The following ADPRHL1 variants were observed in gnomAD, a reference collection of about 807,000 sequenced individuals.
ADPRHL1 encodes the protein ADP-ribosylhydrolase like 1.
A neutral mutation model predicts 44.1 loss-of-function variants in ADPRHL1; 43 were observed. The observed-to-expected ratio is 0.98, with a 90% confidence interval of 0.76 to 1.26. The LOEUF is 1.26. Ranked by LOEUF, ADPRHL1 falls within the 50% of genes most tolerant of loss-of-function variation. The probability of loss-of-function intolerance (pLI) is 0.00; values close to 1 mark genes in which losing one functional copy is unlikely to be tolerated. For synonymous variants in ADPRHL1, 878 were observed against 1,017.4 expected, an observed-to-expected ratio of 0.86 and a Z score of 2.61; for missense variants, 2,022 against 2,496.9, an observed-to-expected ratio of 0.81 and a Z score of 4.05.
chr13:113,430,055 C>A (rs1311783669), intron 3 of ADPRHL1, among the ~76,000 whole-genome samples: 1 of 152,198 alleles, frequency 6.6e-6, no homozygotes, highest in Non-Finnish European at 1.5e-5. Context: ...ACTGAGCTCA[C>A]CCCGCAGTCC....
At position 113,403,850 on chromosome 13, in the gene ADPRHL1, C is replaced by T. The variant is rs1446245170; in HGVS notation, c.5432G>A (p.Ser1811Asn). 1 of 1,086,812 alleles carries T rather than the reference C, an allele frequency of 9.2e-7. No homozygotes were observed. The highest frequency in any genetic ancestry group is 1.1e-6 in the Non-Finnish European group (1 of 894,250). 67.3% of individuals were successfully genotyped at this position (1,086,812 alleles called of 1,614,324 possible). A position where few individuals can be genotyped will look rare whatever the true frequency, so the allele number is the denominator to read the frequency against. ...CTCCCAGGCCCGAGGCGCCATCCCACTTGTCAAGGCCTGTTCCCGACCCTG... is the reference window on the plus strand; with the variant it reads ...CTCCCAGGCCCGAGGCGCCATCCCATTTGTCAAGGCCTGTTCCCGACCCTG... The part of the protein sequence containing the change: ...WEQGREQALT[S>N]GMAPRAWEQP... Residue 1811 changes from serine (S) to asparagine (N), a missense_variant, in exon 8 of 8, where the codon AGT becomes AAT. Around this residue, in one of 8 missense-constraint regions of ADPRHL1, gnomAD observed 205 missense variants for 250.1 expected, o/e 0.82. Coordinates refer to ENST00000612156, the MANE Select transcript of ADPRHL1 (RefSeq NM_001394807.1).
intron 6 of ADPRHL1, among the ~76,000 whole-genome samples, chr13:113,423,313 C>T (rs1472799484): frequency 1.3e-5 from 2 of 151,998 alleles, no homozygotes; most frequent in Non-Finnish European, 2.9e-5. Flanking sequence ...CTTCCCTTCT[C>T]CCTCCCTGGG....
chr13:113,433,564 G>T (rs1007772183), intron 3 of ADPRHL1, among the ~76,000 whole-genome samples, 178 bp downstream of exon 3: 1 of 152,202 alleles, frequency 6.6e-6, no homozygotes, highest in Non-Finnish European at 1.5e-5. Context: ...CGGGCAGGGC[G>T]CCCTCACAGC....
rs533676551 is a variant in ADPRHL1 at position 113,409,464 on chromosome 13, C to T, written c.1062-1244G>A. The stretch of plus-strand genomic sequence containing the variant: ...GTTTATAATGTTGAAAAATCTAGAG[C>T]ATCCTCGATGTCCAACTCCAGGGCG... On this transcript the variant is annotated intron_variant, in intron 7 of 7. Transcript: ENST00000612156. The surrounding 1 kb of genome is among the most constrained non-coding windows in gnomAD (Gnocchi z 4.2). 4.1e-6 allele frequency: 4 copies of T among 985,414 alleles called. No homozygotes were observed. Among genetic ancestry groups the T allele is most frequent in the East Asian group, 2.3e-4 (2 of 8,814 alleles). 61.0% of individuals were successfully genotyped at this position (985,414 alleles called of 1,614,324 possible). A position where few individuals can be genotyped will look rare whatever the true frequency, so the allele number is the denominator to read the frequency against.
At chr13:113,416,183 G>C (rs1274093267) in intron 7 of ADPRHL1, among the ~76,000 whole-genome samples, 2 of 151,870 alleles carry the variant, frequency 1.3e-5, no homozygotes, top group African/African-American at 4.8e-5. Context: ...GTGGGGAATA[G>C]CTCAGACTGT....
At position 113,406,938 on chromosome 13, in the gene ADPRHL1, T is replaced by A; in HGVS notation, c.2344A>T (p.Met782Leu). The A allele has an allele frequency of 8.1e-7, 1 of 1,232,134 alleles. No individual in the cohort carries two copies. Among genetic ancestry groups the A allele is most frequent in the Non-Finnish European group, 1.0e-6 (1 of 988,064 alleles). The allele number at this position is 1,232,134 out of a possible 1,614,324, so 76.3% of individuals were successfully genotyped here. A position where few individuals can be genotyped will look rare whatever the true frequency, so the allele number is the denominator to read the frequency against. The change falls in exon 8 of 8, where the codon ATG (methionine) becomes TTG (leucine). Residue 782 changes from methionine to leucine, a missense_variant. Met to Leu is a conservative substitution (Grantham distance 15, BLOSUM62 2). Coordinates refer to ENST00000612156, the MANE Select transcript of ADPRHL1 (RefSeq NM_001394807.1). ...TCATCCTCTGAACTGCAAACAGTCA[T>A]GGTGATTTCAGGGCCCTCCCCTGCA... ...ECAGEGPEIT[M>L]TVCSSEDERE... is the part of the protein sequence containing the mutation.
rs111403734 is a variant in ADPRHL1 at position 113,434,521 on chromosome 13, T to C, written c.380-654A>G. On this transcript the variant is annotated intron_variant, in intron 2 of 7. Coordinates refer to ENST00000612156, the MANE Select transcript of ADPRHL1 (RefSeq NM_001394807.1). ...TGTACCCCGGGACCCAGCATCCACATGTAGAGTGAACACAGGTGTACCCCG... is the reference window on the plus strand; with the variant it reads ...TGTACCCCGGGACCCAGCATCCACACGTAGAGTGAACACAGGTGTACCCCG... Among the ~76,000 whole-genome samples, 188 of 94,310 alleles carry C rather than the reference T, an allele frequency of 2.0e-3. 1 individual carries two copies. Among genetic ancestry groups the C allele is most frequent in the Non-Finnish European group, 2.8e-3 (124 of 44,584 alleles). 61.9% of individuals were successfully genotyped at this position (94,310 alleles called of 152,430 possible). A position where few individuals can be genotyped will look rare whatever the true frequency, so the allele number is the denominator to read the frequency against.
intron 2 of ADPRHL1, 42 bp downstream of exon 2, chr13:113,444,383 C>T (rs958347622): frequency 5.6e-6 from 9 of 1,602,738 alleles, no homozygotes; most frequent in Non-Finnish European, 7.7e-6. Flanking sequence ...GCAGGGTCCC[C>T]AGCAGGGTGG....
intron 7 of ADPRHL1, among the ~76,000 whole-genome samples, chr13:113,412,783 A>AG (rs2043863489): frequency 1.1e-4 from 11 of 101,310 alleles, no homozygotes; most frequent in African/African-American, 4.0e-4. Context: ...CGCCCCGCAG[A>AG]ACTCGGTTCA....
At position 113,453,239 on chromosome 13, in the gene ADPRHL1, C is replaced by T. The variant is rs762019062; in HGVS notation, c.199G>A (p.Glu67Lys). 3.2e-5 allele frequency: 52 copies of T among 1,613,954 alleles called. No homozygotes were observed. In the Admixed American group the frequency reaches 4.7e-4, roughly 14 times the overall value. ...CCCAGCCTACCTGTGGTGAGGGCCT[C>T]GGCGGTTGCGATGTGCATGATGGTG... is the stretch of plus-strand genomic sequence containing the variant. ...DNTIMHIATA[E>K]ALTTDYWCLD... Residue 67 changes from glutamate to lysine, a missense_variant, in exon 1 of 8, where the codon GAG becomes AAG. Around this residue, in one of 8 missense-constraint regions of ADPRHL1, gnomAD observed 437 missense variants for 430.7 expected, o/e 1.01. Transcript: ENST00000612156. The surrounding 1 kb of genome is among the most constrained non-coding windows in gnomAD (Gnocchi z 5.4).
chr13:113,432,106 C>T (rs952425715), intron 3 of ADPRHL1, among the ~76,000 whole-genome samples: 1 of 149,810 alleles, frequency 6.7e-6, no homozygotes, highest in Non-Finnish European at 1.5e-5. Context: ...GTGCTCATTA[C>T]ATTGTTTTCA....
intron 3 of ADPRHL1, among the ~76,000 whole-genome samples, 160 bp downstream of exon 3, chr13:113,433,582 C>T (rs966305201): frequency 3.5e-4 from 53 of 152,184 alleles, no homozygotes; most frequent in Non-Finnish European, 5.6e-4. Context: ...AGCAGGCAGC[C>T]GGCAGGTGCA....
chr13:113,416,905 G>A (rs190368941), intron 7 of ADPRHL1, among the ~76,000 whole-genome samples: 122 of 152,334 alleles, frequency 8.0e-4, no homozygotes, highest in African/African-American at 2.6e-3. Context: ...TCATATGTGC[G>A]AGGGTGTGCG....
intron 1 of ADPRHL1, chr13:113,449,397 C>A: frequency 4.7e-6 from 1 of 215,018 alleles, no homozygotes; most frequent in South Asian, 1.3e-4. Context: ...AGAGGCTCAC[C>A]CGGAAGGAGG....
Position 113,403,597 on chromosome 13 carries a change from G to C in ADPRHL1, c.5685C>G (p.Cys1895Trp), listed in dbSNP as rs541202471. Reference protein sequence around the residue: ...PTEPKPEAGGCGTPQAPAQEG... With the variant: ...PTEPKPEAGGWGTPQAPAQEG... Reference sequence around the variant, plus strand: ...CCTGGGCCGGGGCCTGGGGAGTCCCGCAGCCCCCAGCCTCAGGCTTGGGCT... The same window carrying C: ...CCTGGGCCGGGGCCTGGGGAGTCCCCCAGCCCCCAGCCTCAGGCTTGGGCT... Residue 1895 changes from cysteine (C) to tryptophan (W), a missense_variant, in exon 8 of 8, where the codon TGC becomes TGG. By Grantham distance (215) the Cys-to-Trp change is radical. This residue lies in a region of ADPRHL1 where 205 missense variants were observed against 250.1 expected (regional missense o/e 0.82). Transcript: ENST00000612156. 8.1e-7 allele frequency: 1 copy of C among 1,231,444 alleles called. No homozygotes were observed. The highest frequency in any genetic ancestry group is 4.2e-5 in the Admixed American group (1 of 23,700). The allele number at this position is 1,231,444 out of a possible 1,614,324, so 76.3% of individuals were successfully genotyped here. A position where few individuals can be genotyped will look rare whatever the true frequency, so the allele number is the denominator to read the frequency against.
chr13:113,427,574 T>A (rs374885190), intron 4 of ADPRHL1, among the ~76,000 whole-genome samples: 13 of 151,984 alleles, frequency 8.6e-5, no homozygotes, highest in South Asian at 4.2e-4. Context: ...GTCTCTGTTG[T>A]CCAGGCTGGA....
At chr13:113,452,296 C>T (rs907230273) in intron 1 of ADPRHL1, among the ~76,000 whole-genome samples, 3 of 152,184 alleles carry the variant, frequency 2.0e-5, no homozygotes, top group Admixed American at 1.3e-4. Context: ...CTTATCTTAT[C>T]GCCGGCGCTT....
chr13:113,442,825 C>T (rs776676139), intron 2 of ADPRHL1, among the ~76,000 whole-genome samples: 5 of 152,184 alleles, frequency 3.3e-5, no homozygotes, highest in Non-Finnish European at 2.9e-5. Flanking sequence ...CAGACACATG[C>T]GTCAGGCTGC....
chr13:113,424,674 A>G, intron 5 of ADPRHL1, among the ~76,000 whole-genome samples: 1 of 145,610 alleles, frequency 6.9e-6, no homozygotes, highest in Non-Finnish European at 1.5e-5. Flanking sequence ...TCCATTCACC[A>G]TCCATTCATC....
Sources: gnomAD v4.1 joint callset for allele counts (sites outside exome capture counted in the v4.1 genomes callset) on GRCh38, gnomAD v4.1.1 for gene constraint, gnomAD v4.1.1 regional missense constraint, Gnocchi (gnomAD v3.1) non-coding constraint, MANE v1.5 for transcripts, NCBI Gene and HGNC (gene_info 2026-07-23, HGNC 2026-07-21) for gene names.